The following LRTM1 variants were observed in gnomAD, a reference collection of about 807,000 sequenced individuals.
LRTM1 encodes leucine rich repeat transmembrane protein 1.
Under a neutral mutation model 32.4 loss-of-function variants are expected in LRTM1, and 38 were observed. That is an observed-to-expected ratio of 1.17 (90% confidence interval 0.91 to 1.54). LRTM1 has a LOEUF of 1.54. Ranked by LOEUF, LRTM1 falls within the 40% of genes most tolerant of loss-of-function variation. The pLI, the probability that LRTM1 is intolerant of heterozygous loss-of-function variation, is 0.00. For synonymous variants in LRTM1, 186 were observed against 169.9 expected (o/e 1.09, Z -0.74); for missense variants, 466 against 415.4 (o/e 1.12, Z -1.06).
At chr3:54,950,689 G>A (rs894311813) in intron 1 of LRTM1, among the ~76,000 whole-genome samples, 2 of 152,118 alleles carry the variant, frequency 1.3e-5, no homozygotes, top group South Asian at 2.1e-4. Context: ...CTCTACTCAC[G>A]AAAGGAACCC....
At chr3:54,966,073 C>T (rs2107061234) in intron 1 of LRTM1, among the ~76,000 whole-genome samples, 1 of 152,182 alleles carries the variant, frequency 6.6e-6, no homozygotes, top group East Asian at 1.9e-4. Context: ...GATAAACACC[C>T]AGCGGGGAGC....
intron 1 of LRTM1, among the ~76,000 whole-genome samples, chr3:54,927,198 T>G (rs953408295): frequency 6.6e-6 from 1 of 152,208 alleles, no homozygotes; most frequent in African/African-American, 2.4e-5. Context: ...TTGAGCCTTT[T>G]CCCCTTTCTT....
At position 54,925,080 on chromosome 3, in the gene LRTM1, A is replaced by G; in HGVS notation, c.143T>C (p.Leu48Ser). Reference sequence around the variant, plus strand: ...ATGCAGCGTTCGAGTCTGAGGAGGTAAATGGGAAGGGATTTCGGCCAGACC... The same window carrying G: ...ATGCAGCGTTCGAGTCTGAGGAGGTGAATGGGAAGGGATTTCGGCCAGACC... ...QQGLAEIPSH[L>S]PPQTRTLHLQ... The change falls in exon 2 of 3, where the codon TTA becomes TCA. Residue 48 changes from leucine to serine, a missense_variant. Transcript: ENST00000273286. 6.2e-7 allele frequency: 1 copy of G among 1,614,130 alleles called. No homozygotes were observed. Among genetic ancestry groups the G allele is most frequent in the Non-Finnish European group, 8.5e-7 (1 of 1,180,014 alleles).
chr3:54,920,000 T>C (rs1210218072), intron 2 of LRTM1, among the ~76,000 whole-genome samples: 2 of 152,174 alleles, frequency 1.3e-5, no homozygotes, highest in East Asian at 1.9e-4. Flanking sequence ...GCCTTTTGAT[T>C]GGACAGAACT....
At chr3:54,937,429 T>C (rs1359726912) in intron 1 of LRTM1, among the ~76,000 whole-genome samples, 2 of 152,226 alleles carry the variant, frequency 1.3e-5, no homozygotes, top group Non-Finnish European at 2.9e-5. Flanking sequence ...CAACTGGCCC[T>C]GTGGAACCCA....
At chr3:54,945,101 A>T (rs921566610) in intron 1 of LRTM1, among the ~76,000 whole-genome samples, 1 of 152,210 alleles carries the variant, frequency 6.6e-6, no homozygotes, top group Non-Finnish European at 1.5e-5. Context: ...AGCATCTGAG[A>T]GCTGGGCAGG....
intron 1 of LRTM1, among the ~76,000 whole-genome samples, chr3:54,952,806 ATATC>A (rs1291776424): frequency 3.3e-5 from 5 of 152,250 alleles, no homozygotes; most frequent in South Asian, 2.1e-4. Context: ...GACAATGACA[ATATC>A]TATCTATGAG....
upstream of LRTM1, among the ~76,000 whole-genome samples, chr3:54,932,234 G>A (rs1228809318): frequency 6.6e-6 from 1 of 152,026 alleles, no homozygotes; most frequent in African/African-American, 2.4e-5. Context: ...TACCCATCTG[G>A]GAGAATATTC....
At chr3:54,939,633 T>A (rs1701412905) in intron 1 of LRTM1, among the ~76,000 whole-genome samples, 1 of 152,220 alleles carries the variant, frequency 6.6e-6, no homozygotes, top group African/African-American at 2.4e-5. Context: ...AATAACCTGG[T>A]CCATCCCCCA....
At chr3:54,933,051 C>CCCTCCCTCCCTCCCTTCCTT (rs1366811478), upstream of LRTM1, among the ~76,000 whole-genome samples, 4 of 139,542 alleles carry the variant, frequency 2.9e-5, no homozygotes, top group African/African-American at 1.1e-4. Context: ...ATCCATCCCT[C>CCCTCCCTCCCTCCCTTCCTT]CCTTCCTTCC....
chr3:54,955,390 G>A (rs560910639), intron 1 of LRTM1, among the ~76,000 whole-genome samples: 56 of 152,200 alleles, frequency 3.7e-4, no homozygotes, highest in Admixed American at 1.0e-3. Flanking sequence ...TCTGGTCATT[G>A]ATCTTTCCTG....
At chr3:54,934,648 G>T (rs1039272580) in intron 1 of LRTM1, among the ~76,000 whole-genome samples, 12 of 152,282 alleles carry the variant, frequency 7.9e-5, no homozygotes, top group Non-Finnish European at 1.2e-4. Flanking sequence ...CTAAGACTTA[G>T]CCAGGTTCTG....
chr3:54,930,186 C>G (rs1408155967), upstream of LRTM1, among the ~76,000 whole-genome samples: 1 of 152,156 alleles, frequency 6.6e-6, no homozygotes, highest in African/African-American at 2.4e-5. Flanking sequence ...TCTGCAAACT[C>G]TGGTTATCCC....
chr3:54,928,182 T>G, upstream of LRTM1: 10 of 484,138 alleles, frequency 2.1e-5, no homozygotes, highest in East Asian at 6.7e-5. Context: ...AATGTTGGCC[T>G]CCCCAGGATC....
At chr3:54,940,428 C>G (rs1317397833) in intron 1 of LRTM1, among the ~76,000 whole-genome samples, 1 of 152,256 alleles carries the variant, frequency 6.6e-6, no homozygotes, top group Non-Finnish European at 1.5e-5. Context: ...TAAAATTAAA[C>G]TGTTCCTCAC....
chr3:54,953,116 G>A (rs922793477), intron 1 of LRTM1, among the ~76,000 whole-genome samples: 2 of 152,232 alleles, frequency 1.3e-5, no homozygotes, highest in Non-Finnish European at 2.9e-5. Flanking sequence ...CTGTTGTTAT[G>A]TGTATGTGTG....
At chr3:54,938,660 T>C (rs1303760339) in intron 1 of LRTM1, among the ~76,000 whole-genome samples, 1 of 151,578 alleles carries the variant, frequency 6.6e-6, no homozygotes, top group African/African-American at 2.4e-5. Context: ...AGACTCAGTG[T>C]CTTCTCCTTG....
At chr3:54,930,885 A>G (rs977718936), upstream of LRTM1, among the ~76,000 whole-genome samples, 4 of 152,118 alleles carry the variant, frequency 2.6e-5, no homozygotes, top group Non-Finnish European at 5.9e-5. Flanking sequence ...TCAGTTGAGG[A>G]CAGGAGTTCG....
chr3:54,925,302 G>A, intron 1 of LRTM1, 87 bp from the exon 2 acceptor site: 4 of 1,105,000 alleles, frequency 3.6e-6, no homozygotes, highest in Non-Finnish European at 5.2e-6. Context: ...TACAGGTAAT[G>A]TGCTTTCCAG....
Sources: allele counts gnomAD v4.1 joint callset (sites outside exome capture counted in the v4.1 genomes callset), GRCh38; gene constraint gnomAD v4.1.1; transcripts MANE v1.5; gene names NCBI Gene and HGNC (gene_info 2026-07-23, HGNC 2026-07-21).